RANBP2: variants seen among roughly 807,000 people sequenced by gnomAD.
RANBP2 encodes the protein RAN binding protein 2.
A neutral mutation model predicts 303.6 loss-of-function variants in RANBP2; 57 were observed. The observed-to-expected ratio is 0.19, with a 90% CI of 0.15 to 0.23. The LOEUF is 0.23. Ranked by LOEUF, RANBP2 falls within the 10% of genes least tolerant of loss-of-function variation. The pLI, the probability that RANBP2 is intolerant of heterozygous loss-of-function variation, is 1.00. For synonymous variants in RANBP2, 1,167 were observed against 1,301.5 expected, an observed-to-expected ratio of 0.90 and a Z score of 2.23; for missense variants, 3,138 against 3,780.8, an observed-to-expected ratio of 0.83 and a Z score of 4.46.
the RANBP2 span, among the ~76,000 whole-genome samples, chr2:109,297,838 C>T: frequency 6.6e-6 from 1 of 151,606 alleles, no homozygotes. Context: ...GGACAGTGCC[C>T]CCGACCTGGG....
chr2:108,772,383 C>T, intron 21 of RANBP2, 106 bp from the exon 22 acceptor site: 1 of 827,066 alleles, frequency 1.2e-6, no homozygotes, highest in Non-Finnish European at 2.0e-6. Flanking sequence ...AAATTGGCTG[C>T]AATTCAGATG....
At position 108,783,731 on chromosome 2, in the gene RANBP2, A is replaced by C; in HGVS notation, c.9505A>C (p.Asn3169His). The C allele has an allele frequency of 6.2e-7, 1 of 1,613,140 alleles. No homozygotes were observed. Residue 3169 changes from asparagine (N) to histidine (H), a missense_variant, in exon 29 of 29, where the codon AAT (asparagine) becomes CAT (histidine). Physicochemically the swap from Asn to His is moderately conservative, Grantham distance 68. This residue lies in a region of RANBP2 where 204 missense variants were observed against 228.4 expected (regional missense o/e 0.89). Coordinates refer to ENST00000283195, the MANE Select transcript of RANBP2 (RefSeq NM_006267.5). The stretch of plus-strand genomic sequence containing the variant: ...GGCCAATCAAGGCCAGAATACCAAT[A>C]ATTCTCAATTTGTTATAACACTGAA... Reference protein sequence around the residue: ...SMANQGQNTNNSQFVITLKKA... With the variant: ...SMANQGQNTNHSQFVITLKKA...
At chr2:109,137,095 A>G in the RANBP2 span, among the ~76,000 whole-genome samples, 4 of 152,140 alleles carry the variant, frequency 2.6e-5, no homozygotes, top group African/African-American at 4.8e-5. Context: ...TTTTCCATTT[A>G]GTTAGGTGAC....
the RANBP2 span, among the ~76,000 whole-genome samples, chr2:108,928,406 A>T: frequency 6.6e-5 from 10 of 152,178 alleles, no homozygotes; most frequent in Admixed American, 4.6e-4. Flanking sequence ...CTTATGCACT[A>T]AGCTGTGGTC....
the RANBP2 span, among the ~76,000 whole-genome samples, chr2:109,528,190 G>A: frequency 9.1e-4 from 138 of 152,162 alleles, 1 homozygote; most frequent in Non-Finnish European, 1.7e-3. Context: ...GATGCCCCAC[G>A]TCACCAGGTA....
chr2:108,806,600 G>A, the RANBP2 span, among the ~76,000 whole-genome samples: 3 of 152,072 alleles, frequency 2.0e-5, no homozygotes, highest in Non-Finnish European at 2.9e-5. Flanking sequence ...CTCTGCCATC[G>A]TAATGCGAAA....
At chr2:109,705,495 G>C in the RANBP2 span, among the ~76,000 whole-genome samples, 1 of 152,218 alleles carries the variant, frequency 6.6e-6, no homozygotes, top group South Asian at 2.1e-4. Context: ...GACGCAAATA[G>C]CATGGGGCTT....
At chr2:109,474,985 G>GT in the RANBP2 span, among the ~76,000 whole-genome samples, 58 of 151,814 alleles carry the variant, frequency 3.8e-4, no homozygotes, top group South Asian at 5.8e-3. Context: ...TTGTTTGTTT[G>GT]TTTGTTTTTT....
the RANBP2 span, among the ~76,000 whole-genome samples, chr2:109,522,730 A>G: frequency 1.1e-4 from 17 of 152,220 alleles, 1 homozygote; most frequent in South Asian, 3.3e-3. Context: ...TGGCATCAGC[A>G]TCTCCCACAA....
chr2:109,528,346 G>A, the RANBP2 span, among the ~76,000 whole-genome samples: 1 of 152,230 alleles, frequency 6.6e-6, no homozygotes, highest in Non-Finnish European at 1.5e-5. Flanking sequence ...CCAATTGCCC[G>A]CAATAAACAT....
chr2:109,580,860 G>A, the RANBP2 span, among the ~76,000 whole-genome samples: 5 of 152,312 alleles, frequency 3.3e-5, no homozygotes, highest in African/African-American at 7.2e-5. Flanking sequence ...CGGGCAGAGC[G>A]CAAAGACAGC....
At chr2:109,585,354 C>T in the RANBP2 span, 4 of 1,504,512 alleles carry the variant, frequency 2.7e-6, no homozygotes, top group Admixed American at 2.1e-5. Flanking sequence ...TTTATGGTTG[C>T]ATGAATGGCT....
chr2:109,634,881 C>A, the RANBP2 span, among the ~76,000 whole-genome samples: 3 of 152,082 alleles, frequency 2.0e-5, no homozygotes, highest in Non-Finnish European at 4.4e-5. Flanking sequence ...GACGAGTAAA[C>A]AATTATGATT....
the RANBP2 span, among the ~76,000 whole-genome samples, chr2:109,396,095 C>T: frequency 9.2e-5 from 14 of 152,224 alleles, no homozygotes; most frequent in South Asian, 1.0e-3. Flanking sequence ...TGGAGGACTG[C>T]GCTCACTGTG....
At chr2:108,927,899 C>T in the RANBP2 span, among the ~76,000 whole-genome samples, 2 of 152,284 alleles carry the variant, frequency 1.3e-5, no homozygotes, top group South Asian at 4.1e-4. Context: ...GTATCCTCTT[C>T]TGAATCTCTT....
the RANBP2 span, among the ~76,000 whole-genome samples, chr2:108,912,094 G>A: frequency 6.6e-6 from 1 of 152,186 alleles, no homozygotes; most frequent in Non-Finnish European, 1.5e-5. Context: ...GGTGCTCTGA[G>A]GGCTCTGGAG....
At chr2:109,155,951 G>A in the RANBP2 span, among the ~76,000 whole-genome samples, 5 of 152,184 alleles carry the variant, frequency 3.3e-5, no homozygotes, top group Non-Finnish European at 5.9e-5. Flanking sequence ...GGCAACTCAG[G>A]ATCATTCTGC....
the RANBP2 span, chr2:109,129,724 G>C: frequency 6.5e-7 from 1 of 1,538,238 alleles, no homozygotes; most frequent in Non-Finnish European, 8.7e-7. Flanking sequence ...CGTGTGTCTG[G>C]AGCGCCTGGA....
the RANBP2 span, among the ~76,000 whole-genome samples, chr2:109,450,782 A>G: frequency 6.6e-6 from 1 of 152,216 alleles, no homozygotes; most frequent in Non-Finnish European, 1.5e-5. Flanking sequence ...GGTGCTGGGC[A>G]AGGAGCCACT....
Sources: gnomAD v4.1 joint callset for allele counts (sites outside exome capture counted in the v4.1 genomes callset) on GRCh38, gnomAD v4.1.1 for gene constraint, gnomAD v4.1.1 regional missense constraint, MANE v1.5 for transcripts, NCBI Gene and HGNC (gene_info 2026-07-23, HGNC 2026-07-21) for gene names.